Variants in TTYH2 observed in about 807,000 individuals in gnomAD.
The protein encoded by TTYH2 is protein tweety homolog 2.
In TTYH2, 49 loss-of-function variants were observed where a neutral mutation model predicts 68.3. The ratio of observed to expected loss-of-function variants is 0.72; its 90% CI spans 0.57 to 0.91. The LOEUF is 0.91. Among genes scored for constraint, TTYH2 ranks in the 40% least tolerant of loss-of-function variants. TTYH2 has a pLI of 0.00. For synonymous variants in TTYH2, 272 were observed against 300.8 expected (o/e 0.90, Z 0.99); for missense variants, 631 against 700.4 (o/e 0.90, Z 1.12).
In TTYH2 at chr17:74,252,486, C is replaced by T. The variant is rs938475758; in HGVS notation, c.1259+110C>T. On this transcript the variant is annotated intron_variant, in intron 11 of 13. Coordinates refer to ENST00000269346, the MANE Select transcript of TTYH2 (RefSeq NM_032646.6). ...GCTGATAACCCAGGACTGAGGAGGG[C>T]AGCAGAGGGCCCGGGCATTCAGCCC... The T allele has an allele frequency of 9.8e-6, 13 of 1,331,096 alleles. No individual in the cohort carries two copies. In the Admixed American group the frequency reaches 1.3e-4, roughly 13 times the overall value. 82.5% of individuals were successfully genotyped at this position (1,331,096 alleles called of 1,614,324 possible). A position where few individuals can be genotyped will look rare whatever the true frequency, so the allele number is the denominator to read the frequency against.
rs1440557476 is a variant in TTYH2 at position 74,249,371 on chromosome 17, G to A, written c.902G>A (p.Ser301Asn). 8 of 1,613,958 alleles carry A rather than the reference G, an allele frequency of 5.0e-6. No homozygotes were observed. The highest frequency in any genetic ancestry group is 5.1e-6 in the Non-Finnish European group (6 of 1,180,044). ...TEVTRYYLYC[S>N]QSGSSPFQQT... ...GTGACTCGCTACTACCTGTATTGCA[G>A]CCAGAGTGGAAGCAGCCCCTTCCAG... Residue 301 changes from serine (S) to asparagine (N), a missense_variant, in exon 8 of 14, where the codon AGC becomes AAC. Coordinates refer to ENST00000269346, the MANE Select transcript of TTYH2 (RefSeq NM_032646.6).
chr17:74,250,073 A>G, intron 9 of TTYH2, 45 bp downstream of exon 9: 2 of 1,602,964 alleles, frequency 1.2e-6, no homozygotes, highest in East Asian at 4.5e-5. Flanking sequence ...ATGAACCCTG[A>G]CAGCCCTTTC....
intron 11 of TTYH2, among the ~76,000 whole-genome samples, chr17:74,252,639 T>A (rs551089740): frequency 4.4e-4 from 67 of 152,338 alleles, no homozygotes; most frequent in African/African-American, 1.5e-3. Context: ...CAGTCTGGCC[T>A]CCCTTCTCCT....
intron 13 of TTYH2, among the ~76,000 whole-genome samples, chr17:74,256,485 A>G (rs899575794): frequency 6.6e-6 from 1 of 151,966 alleles, no homozygotes; most frequent in Non-Finnish European, 1.5e-5. Context: ...TCCCCCTGTC[A>G]TTCACTCCTG....
chr17:74,251,415 G>A (rs1179387749), intron 10 of TTYH2, among the ~76,000 whole-genome samples: 1 of 151,960 alleles, frequency 6.6e-6, no homozygotes, highest in Non-Finnish European at 1.5e-5. Context: ...TTTATAAAGT[G>A]GCTTACTGAA....
intron 6 of TTYH2, chr17:74,248,307 G>C (rs1028119564): frequency 1.0e-6 from 1 of 985,714 alleles, no homozygotes; most frequent in Non-Finnish European, 1.2e-6. Flanking sequence ...CCATGTCCTT[G>C]CTGCCGCCTC....
rs1397348111 is a variant in TTYH2 at position 74,215,903 on chromosome 17, G to T, written c.129+2187G>T. ...CAGGTCTTCAGGAGAAATTGCTGGG[G>T]ATTTTCTGCGGCTGGGCTCTGGGCG... On this transcript the variant is annotated intron_variant, in intron 1 of 13. Coordinates refer to ENST00000269346, the MANE Select transcript of TTYH2 (RefSeq NM_032646.6). This position sits in a 1 kb window ranked among gnomAD's most constrained non-coding sequence, Gnocchi z 4.3. 6.6e-6 allele frequency among the ~76,000 whole-genome samples: 1 copy of T among 152,198 alleles called. No homozygotes were observed. Among genetic ancestry groups the T allele is most frequent in the Non-Finnish European group, 1.5e-5 (1 of 68,044 alleles).
intron 4 of TTYH2, among the ~76,000 whole-genome samples, chr17:74,240,305 GGC>G (rs748615455): frequency 6.6e-6 from 1 of 152,174 alleles, no homozygotes; most frequent in Non-Finnish European, 1.5e-5. Flanking sequence ...TGGACGTGGT[GGC>G]GCACGCCTGT....
chr17:74,243,841 G>C, intron 5 of TTYH2, 136 bp from the exon 6 acceptor site: 1 of 779,858 alleles, frequency 1.3e-6, no homozygotes, highest in Non-Finnish European at 2.0e-6. Context: ...TCCTAGTAGT[G>C]AGCAGGGCCC....
chr17:74,248,886 A>C, intron 6 of TTYH2, 125 bp from the exon 7 acceptor site: 2 of 1,545,256 alleles, frequency 1.3e-6, no homozygotes, highest in Non-Finnish European at 8.7e-7. Context: ...GGCTGGCTCC[A>C]GACTGTCCTT....
intron 3 of TTYH2, among the ~76,000 whole-genome samples, chr17:74,235,180 G>A (rs915618301): frequency 1.6e-4 from 24 of 152,198 alleles, no homozygotes; most frequent in African/African-American, 5.8e-4. Context: ...CCAGCGTAGC[G>A]CAGATGTAAA....
chr17:74,226,088 A>G (rs1376089438), intron 2 of TTYH2, among the ~76,000 whole-genome samples: 4 of 152,220 alleles, frequency 2.6e-5, no homozygotes, highest in Admixed American at 1.3e-4. Context: ...AAGGCAAGGG[A>G]CATTGGCAGG....
intron 2 of TTYH2, among the ~76,000 whole-genome samples, chr17:74,227,511 G>A (rs2050342304): frequency 6.6e-6 from 1 of 152,140 alleles, no homozygotes. Flanking sequence ...CAAATTGGAG[G>A]GTCACGGGAA....
At chr17:74,229,936 G>T (rs1416254633) in intron 2 of TTYH2, among the ~76,000 whole-genome samples, 3 of 152,168 alleles carry the variant, frequency 2.0e-5, no homozygotes, top group Non-Finnish European at 4.4e-5. Context: ...TTCAAGACCA[G>T]CCTGGCCAAC....
At chr17:74,221,666 C>T (rs368142000) in intron 1 of TTYH2, among the ~76,000 whole-genome samples, 18 of 152,308 alleles carry the variant, frequency 1.2e-4, no homozygotes, top group African/African-American at 4.1e-4. Flanking sequence ...GAGAGTGGCA[C>T]CAGGCCTCCT....
chr17:74,242,383 C>A (rs751776347), intron 4 of TTYH2, among the ~76,000 whole-genome samples: 1 of 152,010 alleles, frequency 6.6e-6, no homozygotes. Flanking sequence ...TAAAAATGAA[C>A]CTGAAGTTTT....
rs769258689 is a variant in TTYH2, at chr17:74,232,296, C to T, written c.414+1297C>T. 5.9e-5 allele frequency among the ~76,000 whole-genome samples: 9 copies of T among 152,208 alleles called. No individual in the cohort carries two copies. Among genetic ancestry groups the T allele is most frequent in the Non-Finnish European group, 1.2e-4 (8 of 68,034 alleles). The stretch of plus-strand genomic sequence containing the variant: ...CCTTAAAGAGACAGCTGTGCTGCTC[C>T]TCCGTGCCCAAGTCAATTGTGGGAG... On this transcript the variant is annotated intron_variant, in intron 3 of 13. Coordinates refer to ENST00000269346, the MANE Select transcript of TTYH2 (RefSeq NM_032646.6). The surrounding 1 kb of genome is among the most constrained non-coding windows in gnomAD (Gnocchi z 5.1).
intron 1 of TTYH2, among the ~76,000 whole-genome samples, chr17:74,221,522 T>C (rs908693953): frequency 2.6e-5 from 4 of 152,186 alleles, no homozygotes; most frequent in South Asian, 2.1e-4. Flanking sequence ...GGAACCCCTA[T>C]TGGGGGTGCA....
intron 3 of TTYH2, among the ~76,000 whole-genome samples, chr17:74,235,677 G>T (rs1276512275): frequency 6.6e-6 from 1 of 152,056 alleles, no homozygotes; most frequent in African/African-American, 2.4e-5. Flanking sequence ...ATCACTTGAG[G>T]CCAGGAGCTC....
Sources: gnomAD v4.1 joint callset for allele counts (sites outside exome capture counted in the v4.1 genomes callset) on GRCh38, gnomAD v4.1.1 for gene constraint, Gnocchi (gnomAD v3.1) non-coding constraint, MANE v1.5 for transcripts, NCBI Gene and HGNC (gene_info 2026-07-23, HGNC 2026-07-21) for gene names.